GRIP1: variants seen among roughly 807,000 people sequenced by gnomAD.
The protein encoded by GRIP1 is glutamate receptor interacting protein 1, also known as glutamate receptor-interacting protein 1.
Under a neutral mutation model 129.9 loss-of-function variants are expected in GRIP1, and 45 were observed. The ratio of observed to expected loss-of-function variants is 0.35; its 90% CI spans 0.27 to 0.44. The LOEUF is 0.44. Among genes scored for constraint, GRIP1 ranks in the 20% least tolerant of loss-of-function variants. The probability of loss-of-function intolerance (pLI) is 1.00; values close to 1 mark genes in which losing one functional copy is unlikely to be tolerated. For synonymous variants in GRIP1, 530 were observed against 520.8 expected, an observed-to-expected ratio of 1.02 and a Z score of -0.24; for missense variants, 1,196 against 1,396.8, an observed-to-expected ratio of 0.86 and a Z score of 2.29.
chr12:66,650,787 T>C (rs1451532218), intron 1 of GRIP1, among the ~76,000 whole-genome samples: 2 of 152,208 alleles, frequency 1.3e-5, no homozygotes, highest in Non-Finnish European at 2.9e-5. Flanking sequence ...GCCTCTTGTT[T>C]ATTCAACAAA....
intron 2 of GRIP1, chr12:66,569,310 C>G (rs1350096697): frequency 6.3e-6 from 1 of 159,186 alleles, no homozygotes; most frequent in African/African-American, 2.4e-5. Context: ...AATCCCGTCT[C>G]TGCTAAAAAT....
intron 1 of GRIP1, among the ~76,000 whole-genome samples, chr12:66,860,916 A>G (rs2040100195): frequency 1.3e-5 from 2 of 152,000 alleles, no homozygotes; most frequent in Admixed American, 1.3e-4. Flanking sequence ...GGCAACAGAA[A>G]GCAGTTTGTG....
At chr12:66,483,477 A>T (rs2059864159) in intron 7 of GRIP1, among the ~76,000 whole-genome samples, 1 of 152,188 alleles carries the variant, frequency 6.6e-6, no homozygotes, top group Non-Finnish European at 1.5e-5. Context: ...GTATTGCAAG[A>T]AGAGTACAAA....
At chr12:66,624,391 A>G (rs1041728933) in intron 1 of GRIP1, among the ~76,000 whole-genome samples, 1 of 152,190 alleles carries the variant, frequency 6.6e-6, no homozygotes, top group African/African-American at 2.4e-5. Context: ...TATGATTGTG[A>G]TTAATCCCTA....
At chr12:66,950,617 G>A (rs1486264451) in intron 1 of GRIP1, among the ~76,000 whole-genome samples, 1 of 152,032 alleles carries the variant, frequency 6.6e-6, no homozygotes, top group South Asian at 2.1e-4. Context: ...GAAACCAGTA[G>A]AATATACTGC....
At chr12:66,670,699 CATTT>C (rs2034037960) in intron 1 of GRIP1, among the ~76,000 whole-genome samples, 2 of 152,140 alleles carry the variant, frequency 1.3e-5, no homozygotes, top group Non-Finnish European at 2.9e-5. Context: ...GTGTTAAAGA[CATTT>C]AATGGCTAAC....
At chr12:66,448,659 C>T (rs976189705) in intron 11 of GRIP1, among the ~76,000 whole-genome samples, 2 of 152,202 alleles carry the variant, frequency 1.3e-5, no homozygotes, top group African/African-American at 4.8e-5. Context: ...ATTGGCTCCT[C>T]AAACTCAATG....
intron 2 of GRIP1, among the ~76,000 whole-genome samples, chr12:66,560,779 A>G (rs543908821): frequency 6.6e-6 from 1 of 152,282 alleles, no homozygotes; most frequent in African/African-American, 2.4e-5. Context: ...AAAACTAAAA[A>G]TAGAGCTACC....
intron 1 of GRIP1, among the ~76,000 whole-genome samples, chr12:66,687,638 C>T (rs1244668283): frequency 6.6e-6 from 1 of 152,168 alleles, no homozygotes; most frequent in Non-Finnish European, 1.5e-5. Context: ...TTAAAAGCTA[C>T]AGAACCCATT....
chr12:66,484,568 G>C (rs1250032700), intron 7 of GRIP1, among the ~76,000 whole-genome samples: 1 of 152,150 alleles, frequency 6.6e-6, no homozygotes, highest in Non-Finnish European at 1.5e-5. Context: ...AGTGAAGTAT[G>C]CCACGCACAG....
At chr12:66,794,184 A>C (rs145130430) in intron 1 of GRIP1, among the ~76,000 whole-genome samples, 1 of 152,308 alleles carries the variant, frequency 6.6e-6, no homozygotes, top group Non-Finnish European at 1.5e-5. Flanking sequence ...ATGGCAAACT[A>C]AGATTCTTAC....
chr12:66,969,504 A>C (rs1183972977), intron 1 of GRIP1, among the ~76,000 whole-genome samples: 1 of 152,080 alleles, frequency 6.6e-6, no homozygotes, highest in African/African-American at 2.4e-5. Flanking sequence ...GGGTCAAGTG[A>C]TCCTCCCAAT....
intron 1 of GRIP1, among the ~76,000 whole-genome samples, chr12:67,011,134 A>C (rs982659136): frequency 1.3e-5 from 2 of 152,138 alleles, no homozygotes; most frequent in African/African-American, 2.4e-5. Flanking sequence ...TTGGCACCTC[A>C]AACTCAACAT....
chr12:66,821,342 C>T (rs1351329), intron 1 of GRIP1, among the ~76,000 whole-genome samples: 41,397 of 151,960 alleles, frequency 0.27, 6,847 homozygotes, highest in Non-Finnish European at 0.37. Context: ...TATTTTGTAT[C>T]ACAGCAAAAA....
intron 13 of GRIP1, among the ~76,000 whole-genome samples, chr12:66,438,510 C>T (rs1333214066): frequency 2.4e-5 from 3 of 122,892 alleles, no homozygotes; most frequent in Non-Finnish European, 3.8e-5. Flanking sequence ...TTTTTTGAGA[C>T]GGAGTTTTTT....
chr12:66,827,622 G>A (rs2039442841), intron 1 of GRIP1, among the ~76,000 whole-genome samples: 2 of 152,108 alleles, frequency 1.3e-5, no homozygotes, highest in African/African-American at 4.8e-5. Flanking sequence ...GTGCTATGCA[G>A]GCCACCTTAA....
chr12:67,055,235 AG>A (rs1442440173), intron 1 of GRIP1, among the ~76,000 whole-genome samples: 2 of 152,222 alleles, frequency 1.3e-5, no homozygotes, highest in African/African-American at 4.8e-5. Flanking sequence ...GAAATAATCC[AG>A]TAGAGAAGGC....
chr12:66,585,099 TTCC>T lies in GRIP1; in HGVS notation c.136+11745_136+11747del, dbSNP rs1565886797. On this transcript the variant is annotated intron_variant, in intron 2 of 24. Transcript: ENST00000359742. ...TGATATTCAGATATACTTCTTTTTT[TTCC>T]TTCTTTTTTTTTATTATACTTTAAG... Among the ~76,000 whole-genome samples, 74 of 147,704 alleles carry T rather than the reference TTCC, an allele frequency of 5.0e-4. 1 individual carries two copies. Among genetic ancestry groups the T allele is most frequent in the African/African-American group, 1.9e-3 (72 of 38,072 alleles).
In GRIP1 at chr12:66,856,287, A is replaced by C. The variant is rs550437172; in HGVS notation, c.58+212763T>G. ...AAAAACCCTAAAAGAAAACCTAGGCAATACCATTCAGGACATAGGCATGGG... is the reference window on the plus strand; with the variant it reads ...AAAAACCCTAAAAGAAAACCTAGGCCATACCATTCAGGACATAGGCATGGG... On this transcript the variant is annotated intron_variant, in intron 1 of 1. Transcript: ENST00000643019. Among the ~76,000 whole-genome samples, 3 of 152,292 alleles carry C rather than the reference A, an allele frequency of 2.0e-5. No homozygotes were observed. The South Asian group carries it at 6.2e-4, about 32-fold the overall frequency.
Sources: allele counts gnomAD v4.1 joint callset (sites outside exome capture counted in the v4.1 genomes callset), GRCh38; gene constraint gnomAD v4.1.1; transcripts MANE v1.5; gene names NCBI Gene and HGNC (gene_info 2026-07-23, HGNC 2026-07-21).